The following BACH2 variants were observed in gnomAD, a reference collection of about 807,000 sequenced individuals.
BACH2 encodes transcription regulator protein BACH2.
A neutral mutation model predicts 61.8 loss-of-function variants in BACH2; 5 were observed. The ratio of observed to expected loss-of-function variants is 0.08; its 90% CI spans 0.04 to 0.17. The LOEUF is 0.17. BACH2 is among the 10% of genes least tolerant of loss of function. The pLI is 1.00. For missense variants in BACH2, 824 were observed against 1,091.1 expected, an observed-to-expected ratio of 0.76 and a Z score of 3.45; for synonymous variants, 446 against 440.1, an observed-to-expected ratio of 1.01 and a Z score of -0.17.
chr6:89,996,062 T>C (rs1776831398), intron 6 of BACH2, among the ~76,000 whole-genome samples: 1 of 152,218 alleles, frequency 6.6e-6, no homozygotes, highest in African/African-American at 2.4e-5. Flanking sequence ...CAGCGATTTC[T>C]AGTGTTTCCA....
At chr6:90,060,148 AAAAC>A (rs572579735) in intron 5 of BACH2, among the ~76,000 whole-genome samples, 49 of 151,570 alleles carry the variant, frequency 3.2e-4, no homozygotes, top group South Asian at 1.7e-3. Flanking sequence ...AAAAACAAAG[AAAAC>A]AAACAAACAA....
At chr6:90,201,717 T>A (rs1768963074) in intron 4 of BACH2, among the ~76,000 whole-genome samples, 1 of 152,222 alleles carries the variant, frequency 6.6e-6, no homozygotes, top group Non-Finnish European at 1.5e-5. Context: ...TAGAAATTAA[T>A]AAGGCCTTCT....
At chr6:90,126,685 T>C (rs570934656) in intron 4 of BACH2, among the ~76,000 whole-genome samples, 1 of 152,202 alleles carries the variant, frequency 6.6e-6, no homozygotes, top group Non-Finnish European at 1.5e-5. Flanking sequence ...ATGTGTTGTG[T>C]TTTTGCATCT....
chr6:90,016,583 C>T (rs1175738475), intron 5 of BACH2, among the ~76,000 whole-genome samples: 2 of 152,084 alleles, frequency 1.3e-5, no homozygotes, highest in African/African-American at 4.8e-5. Flanking sequence ...CCCTTCCTGG[C>T]CATTGTATTA....
chr6:90,051,937 T>A (rs1780066246), intron 5 of BACH2, among the ~76,000 whole-genome samples: 1 of 152,200 alleles, frequency 6.6e-6, no homozygotes, highest in Admixed American at 6.5e-5. Flanking sequence ...CATTATTACA[T>A]CTTTGATCAA....
At chr6:89,944,067 C>A (rs140156827) in intron 7 of BACH2, among the ~76,000 whole-genome samples, 148 of 152,364 alleles carry the variant, frequency 9.7e-4, no homozygotes, top group African/African-American at 3.3e-3. Flanking sequence ...CGCAATTGTC[C>A]TTCCACGCCC....
chr6:90,054,156 A>T (rs1049748641), intron 5 of BACH2, among the ~76,000 whole-genome samples: 4 of 152,224 alleles, frequency 2.6e-5, no homozygotes, highest in African/African-American at 9.6e-5. Context: ...CACGAGCCAA[A>T]GCAGGGGGAG....
At chr6:90,150,566 G>A (rs1259532519) in intron 4 of BACH2, among the ~76,000 whole-genome samples, 1 of 152,170 alleles carries the variant, frequency 6.6e-6, no homozygotes, top group Non-Finnish European at 1.5e-5. Flanking sequence ...TAGGGTGCAG[G>A]AGGAGGCAAG....
In BACH2 at chr6:90,008,458, C is replaced by T. The variant is rs561138815; in HGVS notation, c.243+144G>A. On this transcript the variant is annotated intron_variant, in intron 6 of 8. Coordinates refer to ENST00000257749, the MANE Select transcript of BACH2 (RefSeq NM_021813.4). This position sits in a 1 kb window ranked among gnomAD's most constrained non-coding sequence, Gnocchi z 4.1. ...TTTAAGTGTATCAAATAGAAACTGA[C>T]TATGCCACAGACCTAACATGTGACT... 2.0e-6 allele frequency: 2 copies of T among 983,706 alleles called. No individual in the cohort carries two copies. The highest frequency in any genetic ancestry group is 5.1e-5 in the East Asian group (2 of 38,864). The allele number at this position is 983,706 out of a possible 1,614,324, so 60.9% of individuals were successfully genotyped here.
chr6:90,075,648 T>C (rs1410192360), intron 5 of BACH2, among the ~76,000 whole-genome samples: 1 of 152,142 alleles, frequency 6.6e-6, no homozygotes, highest in Non-Finnish European at 1.5e-5. Context: ...GCAATCTACT[T>C]GTGACCCTGT....
chr6:90,118,240 G>C (rs1034134335), intron 4 of BACH2, among the ~76,000 whole-genome samples: 1 of 152,124 alleles, frequency 6.6e-6, no homozygotes, highest in African/African-American at 2.4e-5. Context: ...CATACTAAGG[G>C]AACAGGGACA....
chr6:90,197,008 C>G (rs554291824), intron 4 of BACH2, among the ~76,000 whole-genome samples: 42 of 152,246 alleles, frequency 2.8e-4, no homozygotes, highest in Middle Eastern at 3.4e-3. Flanking sequence ...GCAAATTATT[C>G]TGCAAATTGT....
chr6:90,272,733 A>G (rs192441100), intron 1 of BACH2, among the ~76,000 whole-genome samples: 6 of 151,616 alleles, frequency 4.0e-5, no homozygotes, highest in African/African-American at 1.5e-4. Flanking sequence ...GTTACATCTC[A>G]CCTCTATCTT....
chr6:89,965,931 T>G (rs1418801305), intron 6 of BACH2, among the ~76,000 whole-genome samples: 1 of 152,168 alleles, frequency 6.6e-6, no homozygotes, highest in East Asian at 1.9e-4. Flanking sequence ...TTTGTCCCTT[T>G]CATTTGCAAA....
At chr6:90,143,175 A>C (rs1784516813) in intron 4 of BACH2, among the ~76,000 whole-genome samples, 1 of 152,204 alleles carries the variant, frequency 6.6e-6, no homozygotes, top group African/African-American at 2.4e-5. Flanking sequence ...AGATGATCAG[A>C]AAGGTCAGGC....
intron 5 of BACH2, among the ~76,000 whole-genome samples, chr6:90,046,262 A>G (rs942410586): frequency 6.6e-6 from 1 of 152,200 alleles, no homozygotes; most frequent in African/African-American, 2.4e-5. Context: ...GCATCTAAGA[A>G]ACATTTAGTA....
At chr6:90,161,503 A>C (rs925800095) in intron 4 of BACH2, among the ~76,000 whole-genome samples, 4 of 152,222 alleles carry the variant, frequency 2.6e-5, no homozygotes, top group Non-Finnish European at 2.9e-5. Flanking sequence ...GACTAACATC[A>C]GAATTTATTT....
At chr6:90,028,139 G>A (rs997265287) in intron 5 of BACH2, among the ~76,000 whole-genome samples, 2 of 152,180 alleles carry the variant, frequency 1.3e-5, no homozygotes, top group Non-Finnish European at 2.9e-5. Context: ...TGATGACTGT[G>A]AAGGTCAAAT....
intron 4 of BACH2, among the ~76,000 whole-genome samples, chr6:90,140,810 A>G (rs1253396074): frequency 6.6e-6 from 1 of 152,230 alleles, no homozygotes; most frequent in East Asian, 1.9e-4. Context: ...CCTAAGATAC[A>G]ATGAAAGTAT....
Sources: gnomAD v4.1 joint callset for allele counts (sites outside exome capture counted in the v4.1 genomes callset) on GRCh38, gnomAD v4.1.1 for gene constraint, Gnocchi (gnomAD v3.1) non-coding constraint, MANE v1.5 for transcripts, NCBI Gene and HGNC (gene_info 2026-07-23, HGNC 2026-07-21) for gene names.